The following ST8SIA5 variants were observed in gnomAD, a reference collection of about 807,000 sequenced individuals.
ST8SIA5 encodes ST8 alpha-N-acetyl-neuraminide alpha-2,8-sialyltransferase 5, also known as alpha-2,8-sialyltransferase 8E.
Under a neutral mutation model 40.2 loss-of-function variants are expected in ST8SIA5, and 24 were observed. The observed-to-expected ratio is 0.60, with a 90% CI of 0.43 to 0.84. The LOEUF is 0.84. Ranked by LOEUF, ST8SIA5 falls within the 40% of genes least tolerant of loss-of-function variation. ST8SIA5 has a pLI of 0.00. For missense variants in ST8SIA5, 465 were observed against 498.5 expected (o/e 0.93, Z 0.64); for synonymous variants, 198 against 201.8 (o/e 0.98, Z 0.16).
intron 2 of ST8SIA5, among the ~76,000 whole-genome samples, chr18:46,698,770 C>T (rs982254515): frequency 3.9e-5 from 6 of 152,202 alleles, no homozygotes; most frequent in African/African-American, 9.7e-5. Context: ...CCCAAAACAA[C>T]AGCCACATGA....
At chr18:46,682,149 G>A in intron 5 of ST8SIA5, 85 bp from the exon 6 acceptor site, 1 of 1,038,036 alleles carries the variant, frequency 9.6e-7, no homozygotes, top group Non-Finnish European at 1.4e-6. Context: ...GAGGGATGGT[G>A]ATCATGTGGG....
chr18:46,703,438 C>A (rs907511557), intron 2 of ST8SIA5, among the ~76,000 whole-genome samples: 1 of 152,242 alleles, frequency 6.6e-6, no homozygotes, highest in East Asian at 1.9e-4. Context: ...CTACAGCAAC[C>A]CTTAAAGGGT....
Position 46,672,510 on chromosome 18 carries a change from A to T in ST8SIA5, c.*7532T>A, listed in dbSNP as rs1042681228. ...TGAAGGAAATGAGAGATTTGTTGCC[A>T]TGGGAACCATCTTCAACTGAAGAGA... On this transcript the variant is annotated 3_prime_UTR_variant, in exon 7 of 7. Transcript: ENST00000315087. The T allele has an allele frequency of 2.0e-5, 3 of 152,182 alleles. No individual in the cohort carries two copies. The highest frequency in any genetic ancestry group is 7.2e-5 in the African/African-American group (3 of 41,444). The allele number at this position is 152,182 out of a possible 1,614,324, so 9.4% of individuals were successfully genotyped here.
At chr18:46,686,031 G>A (rs1364663999) in intron 5 of ST8SIA5, 143 bp downstream of exon 5, 1 of 741,540 alleles carries the variant, frequency 1.3e-6, no homozygotes, top group Non-Finnish European at 2.3e-6. Flanking sequence ...CTGGAGAGAA[G>A]AAGGGATATC....
chr18:46,749,327 A>G (rs748525215), intron 1 of ST8SIA5, among the ~76,000 whole-genome samples: 1 of 152,210 alleles, frequency 6.6e-6, no homozygotes, highest in Non-Finnish European at 1.5e-5. Flanking sequence ...ATATATTAAA[A>G]GCCATTTAAC....
At chr18:46,691,785 G>A (rs2039507819) in intron 3 of ST8SIA5, 2 of 211,870 alleles carry the variant, frequency 9.4e-6, no homozygotes, top group Non-Finnish European at 1.9e-5. Context: ...CGCTGCCCCA[G>A]GACAGGGGAG....
At chr18:46,732,638 G>A (rs1424197505) in intron 1 of ST8SIA5, among the ~76,000 whole-genome samples, 3 of 152,046 alleles carry the variant, frequency 2.0e-5, no homozygotes, top group Non-Finnish European at 4.4e-5. Context: ...GGCTCTATTC[G>A]TAAAAAAACA....
intron 1 of ST8SIA5, among the ~76,000 whole-genome samples, chr18:46,720,189 C>T (rs1022871945): frequency 2.0e-5 from 3 of 152,054 alleles, no homozygotes; most frequent in African/African-American, 7.3e-5. Flanking sequence ...CCCAGGAGTC[C>T]AGTAGGGAGG....
At chr18:46,737,245 TC>T (rs2040043941) in intron 1 of ST8SIA5, among the ~76,000 whole-genome samples, 1 of 152,178 alleles carries the variant, frequency 6.6e-6, no homozygotes. Context: ...CTCTGTCAGG[TC>T]CCACCAGGGT....
In ST8SIA5 at chr18:46,674,364, C is replaced by T. The variant is rs774933791; in HGVS notation, c.*5678G>A. On this transcript the variant is annotated 3_prime_UTR_variant, in exon 7 of 7. Transcript: ENST00000315087. ...AGCCCATAAGCCCCCACTAGACAGA[C>T]ATTTCAGCCTCCTGAGCCCCGAGCT... 6.6e-6 allele frequency: 1 copy of T among 152,222 alleles called. No individual in the cohort carries two copies. The allele number at this position is 152,222 out of a possible 1,614,324, so 9.4% of individuals were successfully genotyped here. A position where few individuals can be genotyped will look rare whatever the true frequency, so the allele number is the denominator to read the frequency against.
At position 46,678,307 on chromosome 18, in the gene ST8SIA5, C is replaced by G. The variant is rs960512280; in HGVS notation, c.*1735G>C. The G allele has an allele frequency of 6.5e-6, 1 of 152,690 alleles. No individual in the cohort carries two copies. The highest frequency in any genetic ancestry group is 1.5e-5 in the Non-Finnish European group (1 of 68,460). 9.5% of individuals were successfully genotyped at this position (152,690 alleles called of 1,614,324 possible). ...ACAGGGCACAGGTTCCACAACAACCCCCCCACAGGAAGCCCAAGCCAAGAC... is the reference window on the plus strand; with the variant it reads ...ACAGGGCACAGGTTCCACAACAACCGCCCCACAGGAAGCCCAAGCCAAGAC... On this transcript the variant is annotated 3_prime_UTR_variant, in exon 7 of 7. Transcript: ENST00000315087.
chr18:46,681,863 C>T, intron 6 of ST8SIA5, 109 bp downstream of exon 6: 1 of 1,134,984 alleles, frequency 8.8e-7, no homozygotes, highest in African/African-American at 1.5e-5. Flanking sequence ...GTGTTTTACA[C>T]TCACAGCCAG....
At chr18:46,755,488 C>T (rs773689661) in intron 1 of ST8SIA5, among the ~76,000 whole-genome samples, 24 of 152,202 alleles carry the variant, frequency 1.6e-4, no homozygotes, top group Admixed American at 1.3e-4. Flanking sequence ...ATGGGTGTAT[C>T]CTAGAGCAAG....
intron 1 of ST8SIA5, among the ~76,000 whole-genome samples, chr18:46,741,749 G>C (rs2040088068): frequency 6.6e-6 from 1 of 152,086 alleles, no homozygotes; most frequent in Admixed American, 6.6e-5. Flanking sequence ...AAGGTTAAAG[G>C]GGAAAAACTA....
intron 2 of ST8SIA5, among the ~76,000 whole-genome samples, chr18:46,697,195 G>C (rs970995855): frequency 6.6e-6 from 1 of 151,664 alleles, no homozygotes; most frequent in Admixed American, 6.6e-5. Flanking sequence ...AAAGGGCCAG[G>C]AGCATCATGA....
At chr18:46,680,833 T>TGGA in intron 6 of ST8SIA5, among the ~76,000 whole-genome samples, 1 of 152,068 alleles carries the variant, frequency 6.6e-6, no homozygotes, top group Non-Finnish European at 1.5e-5. Context: ...GCTGCGGGAG[T>TGGA]GGAGGCTTGC....
rs1200312251 is a variant in ST8SIA5, at chr18:46,670,237, T to TA, written c.*9804dup. The TA allele has an allele frequency of 3.3e-5, 5 of 152,204 alleles. No homozygotes were observed. The highest frequency in any genetic ancestry group is 1.2e-4 in the African/African-American group (5 of 41,458). The allele number at this position is 152,204 out of a possible 1,614,324, so 9.4% of individuals were successfully genotyped here. The stretch of plus-strand genomic sequence containing the variant: ...GGGATGGAAATAATTCTAAAGTGGA[T>TA]AAAACGCAGCCCTGCCTTCTTAGAC... On this transcript the variant is annotated 3_prime_UTR_variant, in exon 7 of 7. Coordinates refer to ENST00000315087, the MANE Select transcript of ST8SIA5 (RefSeq NM_013305.6).
In ST8SIA5 at chr18:46,678,265, T is replaced by C. The variant is rs1441639089; in HGVS notation, c.*1777A>G. Reference sequence around the variant, plus strand: ...TCAGAATGCAGGTGAGAGTCAGCACTGAGAACAGTGTTGTGCACAGGGCAC... The same window carrying C: ...TCAGAATGCAGGTGAGAGTCAGCACCGAGAACAGTGTTGTGCACAGGGCAC... On this transcript the variant is annotated 3_prime_UTR_variant, in exon 7 of 7. Transcript: ENST00000315087. 6.6e-6 allele frequency: 1 copy of C among 152,270 alleles called. No individual in the cohort carries two copies. The highest frequency in any genetic ancestry group is 2.4e-5 in the African/African-American group (1 of 41,440). The allele number at this position is 152,270 out of a possible 1,614,324, so 9.4% of individuals were successfully genotyped here.
In ST8SIA5 at chr18:46,756,497, C is replaced by G; in HGVS notation, c.12G>C (p.Ala4=). Residue 4 remains alanine, a synonymous_variant, in exon 1 of 7, where the codon GCG becomes GCC. Transcript: ENST00000315087. MRY[A]DPSANRDLLG... The stretch of plus-strand genomic sequence containing the variant: ...ACAAATCCCGGTTGGCCGAGGGGTC[C>G]GCGTAGCGCATCCTGGCTACCGGGC... The G allele has an allele frequency of 6.2e-7, 1 of 1,612,548 alleles. No homozygotes were observed.
Sources: allele counts gnomAD v4.1 joint callset (sites outside exome capture counted in the v4.1 genomes callset), GRCh38; gene constraint gnomAD v4.1.1; transcripts MANE v1.5; gene names NCBI Gene and HGNC (gene_info 2026-07-23, HGNC 2026-07-21).